The following SAP130 variants were observed in gnomAD, a reference collection of about 807,000 sequenced individuals.
SAP130 encodes the protein histone deacetylase complex subunit SAP130.
In SAP130, 16 loss-of-function variants were observed where a neutral mutation model predicts 103.2. The observed-to-expected ratio is 0.16, with a 90% CI of 0.10 to 0.24. SAP130 has a LOEUF of 0.24. Ranked by LOEUF, SAP130 falls within the 10% of genes least tolerant of loss-of-function variation. The pLI is 1.00. For missense variants in SAP130, 990 were observed against 1,359.7 expected (o/e 0.73, Z 4.28); for synonymous variants, 477 against 497.0 (o/e 0.96, Z 0.53).
intron 15 of SAP130, among the ~76,000 whole-genome samples, chr2:127,970,541 T>TCAAAA (rs768946266): frequency 1.2e-5 from 1 of 80,024 alleles, no homozygotes; most frequent in Non-Finnish European, 2.2e-5. Context: ...GACTCTGTCT[T>TCAAAA]AAAAAAAAAA....
chr2:127,977,157 G>C (rs761409342), intron 15 of SAP130, among the ~76,000 whole-genome samples: 8 of 151,856 alleles, frequency 5.3e-5, no homozygotes, highest in Non-Finnish European at 7.4e-5. Context: ...ACTTTTTCCA[G>C]TATAATATTA....
intron 2 of SAP130, among the ~76,000 whole-genome samples, chr2:128,019,041 G>C (rs969558230): frequency 1.3e-5 from 2 of 151,556 alleles, no homozygotes; most frequent in African/African-American, 4.9e-5. Flanking sequence ...GGAGGCTGCA[G>C]TGAGCTGAGA....
chr2:128,016,388 C>A lies in SAP130; in HGVS notation c.507+1G>T. ...ATCAGCAAATTAAAAGGAAGAAAAA[C>A]CTGTTGTCCACTGATTGTTGCCACA... On this transcript the variant is annotated splice_donor_variant, in intron 4 of 20. Transcript: ENST00000643581. LOFTEE classifies it high-confidence loss of function. 6.2e-7 allele frequency: 1 copy of A among 1,606,168 alleles called. No individual in the cohort carries two copies. Among genetic ancestry groups the A allele is most frequent in the Non-Finnish European group, 8.5e-7 (1 of 1,176,816 alleles).
intron 8 of SAP130, 54 bp from the exon 9 acceptor site, chr2:128,000,200 G>A: frequency 6.2e-7 from 1 of 1,608,628 alleles, no homozygotes; most frequent in East Asian, 2.2e-5. Context: ...CTGCGTCCAG[G>A]GTAAACACAA....
intron 15 of SAP130, among the ~76,000 whole-genome samples, chr2:127,972,668 G>C (rs186268291): frequency 5.9e-5 from 9 of 152,252 alleles, no homozygotes; most frequent in Non-Finnish European, 1.3e-4. Context: ...TGAGGCAGGA[G>C]AATCACCTGA....
chr2:127,975,789 G>T (rs1681418772), intron 15 of SAP130, among the ~76,000 whole-genome samples: 3 of 152,186 alleles, frequency 2.0e-5, no homozygotes, highest in Non-Finnish European at 4.4e-5. Context: ...TGAAGGCAAA[G>T]TGGTTTTGAG....
intron 7 of SAP130, among the ~76,000 whole-genome samples, chr2:128,005,180 GAGAAAC>G (rs1257064989): frequency 1.3e-5 from 2 of 152,202 alleles, no homozygotes; most frequent in African/African-American, 4.8e-5. Flanking sequence ...GAGCTCCAGA[GAGAAAC>G]AGAAGGCAAC....
chr2:128,006,087 TA>T (rs532598250), intron 7 of SAP130, among the ~76,000 whole-genome samples: 281 of 133,330 alleles, frequency 2.1e-3, no homozygotes, highest in South Asian at 4.3e-3. Context: ...TGTAAGCGGT[TA>T]AAAAAAAAAA....
At chr2:127,954,892 G>T in intron 16 of SAP130, 94 bp downstream of exon 16, 2 of 986,602 alleles carry the variant, frequency 2.0e-6, no homozygotes, top group Non-Finnish European at 3.0e-6. Flanking sequence ...AGGGAGTCTT[G>T]GCTGAGGGTT....
chr2:127,991,550 C>T (rs2105025587), intron 12 of SAP130, among the ~76,000 whole-genome samples: 1 of 152,080 alleles, frequency 6.6e-6, no homozygotes, highest in East Asian at 1.9e-4. Flanking sequence ...CTAGCTTGAT[C>T]TCAAACTCCT....
chr2:128,018,864 G>A (rs1260966106), intron 2 of SAP130, among the ~76,000 whole-genome samples: 1 of 151,638 alleles, frequency 6.6e-6, no homozygotes, highest in Non-Finnish European at 1.5e-5. Flanking sequence ...GGGAAACCAA[G>A]GCAGGTGGAT....
At chr2:127,945,614 AT>A (rs988193928) in intron 18 of SAP130, 55 bp from the exon 19 acceptor site, 8 of 1,120,294 alleles carry the variant, frequency 7.1e-6, no homozygotes, top group African/African-American at 1.5e-5. Context: ...AAGGTAAATG[AT>A]TTGTGTTCGA....
At position 127,980,018 on chromosome 2, in the gene SAP130, T is replaced by C. The variant is rs370704377; in HGVS notation, c.1959-1929A>G. ...TCAGCCTCCCGAGTAGCTGGGATTA[T>C]AGGTGCCTGCCACCATGCCCTAGCT... On this transcript the variant is annotated intron_variant, in intron 14 of 20. Coordinates refer to ENST00000643581, the MANE Select transcript of SAP130 (RefSeq NM_001330301.2). Among the ~76,000 whole-genome samples the C allele has an allele frequency of 3.0e-4, 45 of 151,970 alleles. No individual in the cohort carries two copies. In the East Asian group the frequency reaches 6.4e-3, roughly 22 times the overall value.
rs1042811963 is a variant in SAP130, at chr2:127,955,509, C to T, written c.2064-165G>A. Among the ~76,000 whole-genome samples, 5 of 152,080 alleles carry T rather than the reference C, an allele frequency of 3.3e-5. No homozygotes were observed. Reference sequence around the variant, plus strand: ...TTTTAATTTTAAAAAAATTTTGAGACAGGGTCTCACTCTGTTACCCATGCT... The same window carrying T: ...TTTTAATTTTAAAAAAATTTTGAGATAGGGTCTCACTCTGTTACCCATGCT... On this transcript the variant is annotated intron_variant, in intron 15 of 20. Coordinates refer to ENST00000643581, the MANE Select transcript of SAP130 (RefSeq NM_001330301.2). This position sits in a 1 kb window ranked among gnomAD's most constrained non-coding sequence, Gnocchi z 4.9.
rs1684994804 is a variant in SAP130, at chr2:128,019,316, T to G, written c.113-1401A>C. Among the ~76,000 whole-genome samples the G allele has an allele frequency of 2.0e-5, 3 of 152,250 alleles. No individual in the cohort carries two copies. In the East Asian group the frequency reaches 5.8e-4, roughly 29 times the overall value. ...CAAGGTCTCACTCTGTCTCCCAGGCTGTAACGAAGTCACAGGATATCAGCT... is the reference window on the plus strand; with the variant it reads ...CAAGGTCTCACTCTGTCTCCCAGGCGGTAACGAAGTCACAGGATATCAGCT... On this transcript the variant is annotated intron_variant, in intron 2 of 20. Transcript: ENST00000643581.
At chr2:127,965,721 T>C (rs1470257381) in intron 15 of SAP130, among the ~76,000 whole-genome samples, 1 of 150,048 alleles carries the variant, frequency 6.7e-6, no homozygotes, top group Non-Finnish European at 1.5e-5. Flanking sequence ...ACCAGGGAGG[T>C]GAAGATTACA....
Position 128,028,009 on chromosome 2 carries a change from C to G in SAP130, c.-76G>C. 1.0e-6 allele frequency: 1 copy of G among 985,264 alleles called. No individual in the cohort carries two copies. The highest frequency in any genetic ancestry group is 1.2e-6 in the Non-Finnish European group (1 of 829,624). The allele number at this position is 985,264 out of a possible 1,614,324, so 61.0% of individuals were successfully genotyped here. A position where few individuals can be genotyped will look rare whatever the true frequency, so the allele number is the denominator to read the frequency against. ...CCCGCGCGCTCTCCGTCTGTGGGGC[C>G]GACGTCCCCAGGCTCCGGACCCGCA... is the stretch of plus-strand genomic sequence containing the variant. On this transcript the variant is annotated 5_prime_UTR_variant, in exon 1 of 21. Transcript: ENST00000643581.
chr2:127,985,806 C>T (rs553219945), intron 14 of SAP130, among the ~76,000 whole-genome samples: 3 of 152,026 alleles, frequency 2.0e-5, no homozygotes, highest in South Asian at 2.1e-4. Flanking sequence ...TAAAAACCTC[C>T]GAGACCCTAG....
Position 127,987,417 on chromosome 2 carries a change from C to G in SAP130, c.1781-455G>C, listed in dbSNP as rs370178433. Among the ~76,000 whole-genome samples the G allele has an allele frequency of 3.3e-4, 50 of 152,202 alleles. 1 individual carries two copies. In the South Asian group the frequency reaches 6.2e-3, roughly 19 times the overall value. ...GCCAGGCTAGTCTCGAATTCCTGAC[C>G]TTAAGTGATCCACCTGCCTTGGCCT... is the stretch of plus-strand genomic sequence containing the variant. On this transcript the variant is annotated intron_variant, in intron 13 of 20. Coordinates refer to ENST00000643581, the MANE Select transcript of SAP130 (RefSeq NM_001330301.2).
Sources: gnomAD v4.1 joint callset for allele counts (sites outside exome capture counted in the v4.1 genomes callset) on GRCh38, gnomAD v4.1.1 for gene constraint, Gnocchi (gnomAD v3.1) non-coding constraint, MANE v1.5 for transcripts, NCBI Gene and HGNC (gene_info 2026-07-23, HGNC 2026-07-21) for gene names.